The following TBC1D8 variants were observed in gnomAD, a reference collection of about 807,000 sequenced individuals.
The protein encoded by TBC1D8 is TBC1 domain family member 8, also known as BUB2-like protein 1.
Under a neutral mutation model 118.8 loss-of-function variants are expected in TBC1D8, and 65 were observed. The ratio of observed to expected loss-of-function variants is 0.55; its 90% CI spans 0.45 to 0.67. TBC1D8 has a LOEUF of 0.67. Among genes scored for constraint, TBC1D8 ranks in the 30% least tolerant of loss-of-function variants. The pLI is 0.00. For missense variants in TBC1D8, 1,376 were observed against 1,471.2 expected (o/e 0.94, Z 1.06); for synonymous variants, 566 against 595.8 (o/e 0.95, Z 0.73).
intron 1 of TBC1D8, among the ~76,000 whole-genome samples, chr2:101,126,817 G>C (rs1678377336): frequency 6.6e-6 from 1 of 152,196 alleles, no homozygotes; most frequent in Admixed American, 6.5e-5. Flanking sequence ...GTCAATTGTA[G>C]AAAACGGCCA....
chr2:101,021,743 A>G lies in TBC1D8; in HGVS notation c.2765T>C (p.Ile922Thr), dbSNP rs776173001. Reference sequence around the variant, plus strand: ...CTCATTCATTTCTCCATTATACATAATATCTGCAAAAAGTTTAAAAAGAGT... The same window carrying G: ...CTCATTCATTTCTCCATTATACATAGTATCTGCAAAAAGTTTAAAAAGAGT... ...EFKAFVSCLD[I>T]MYNGEMNEKI... Residue 922 changes from isoleucine to threonine, a missense_variant, in exon 17 of 20, where the codon ATT becomes ACT. By Grantham distance (89) the Ile-to-Thr change is moderately conservative. Coordinates refer to ENST00000409318, the MANE Select transcript of TBC1D8 (RefSeq NM_001330348.2). 1.3e-6 allele frequency: 2 copies of G among 1,564,496 alleles called. No homozygotes were observed. Among genetic ancestry groups the G allele is most frequent in the Non-Finnish European group, 1.7e-6 (2 of 1,146,510 alleles).
intron 19 of TBC1D8, among the ~76,000 whole-genome samples, 183 bp from the exon 20 acceptor site, chr2:101,008,456 G>A (rs1043503097): frequency 6.6e-6 from 1 of 152,178 alleles, no homozygotes; most frequent in Non-Finnish European, 1.5e-5. Flanking sequence ...GGGAATTTCA[G>A]CACAGACTTG....
chr2:101,030,846 C>T (rs1680629554), intron 11 of TBC1D8, among the ~76,000 whole-genome samples: 1 of 152,258 alleles, frequency 6.6e-6, no homozygotes, highest in Non-Finnish European at 1.5e-5. Context: ...GTGGCTGCCT[C>T]TTACAGATGC....
intron 2 of TBC1D8, among the ~76,000 whole-genome samples, chr2:101,084,983 G>A (rs993717271): frequency 6.6e-6 from 1 of 151,528 alleles, no homozygotes; most frequent in African/African-American, 2.4e-5. Context: ...TGAGCAGCTG[G>A]GACTACAGGC....
chr2:101,018,740 A>C (rs779653116), intron 17 of TBC1D8, among the ~76,000 whole-genome samples: 6 of 152,160 alleles, frequency 3.9e-5, no homozygotes, highest in Non-Finnish European at 8.8e-5. Flanking sequence ...AAAACCTCCA[A>C]ATTGTCTCAT....
intron 17 of TBC1D8, among the ~76,000 whole-genome samples, chr2:101,019,886 G>A (rs1679918532): frequency 6.6e-6 from 1 of 151,358 alleles, no homozygotes; most frequent in Non-Finnish European, 1.5e-5. Flanking sequence ...GGCTAACACA[G>A]TGAAACCCTA....
intron 1 of TBC1D8, among the ~76,000 whole-genome samples, chr2:101,122,709 A>G (rs994524211): frequency 9.2e-5 from 14 of 152,304 alleles, no homozygotes; most frequent in African/African-American, 2.9e-4. Context: ...TTGAAAACTC[A>G]TAGACTATTT....
At chr2:101,085,940 G>A (rs1313274841) in intron 2 of TBC1D8, among the ~76,000 whole-genome samples, 2 of 152,200 alleles carry the variant, frequency 1.3e-5, no homozygotes, top group African/African-American at 4.8e-5. Context: ...AGGAGATTGA[G>A]ACCATCCTGG....
At chr2:101,046,955 C>T (rs1681744981) in intron 5 of TBC1D8, among the ~76,000 whole-genome samples, 1 of 152,202 alleles carries the variant, frequency 6.6e-6, no homozygotes, top group South Asian at 2.1e-4. Context: ...CATCACTCTC[C>T]AACTACCCTC....
intron 1 of TBC1D8, among the ~76,000 whole-genome samples, chr2:101,110,161 C>G (rs1365505680): frequency 1.3e-5 from 2 of 152,230 alleles, no homozygotes; most frequent in Non-Finnish European, 2.9e-5. Context: ...TGCAGCAATT[C>G]TTTCATTCTG....
chr2:101,029,084 G>A (rs1322259357), intron 12 of TBC1D8, among the ~76,000 whole-genome samples: 1 of 152,192 alleles, frequency 6.6e-6, no homozygotes, highest in African/African-American at 2.4e-5. Context: ...TCAAGAGGCT[G>A]AGACGAACAG....
intron 1 of TBC1D8, among the ~76,000 whole-genome samples, chr2:101,099,380 CCAA>C (rs1676678976): frequency 6.6e-6 from 1 of 152,098 alleles, no homozygotes; most frequent in Admixed American, 6.5e-5. Context: ...AGCCCACCAA[CCAA>C]AAAAAGCCCA....
Position 101,109,322 on chromosome 2 carries a change from GAAGA to G in TBC1D8, c.128-18962_128-18959del, listed in dbSNP as rs578034830. 2.9e-3 allele frequency among the ~76,000 whole-genome samples: 435 copies of G among 152,266 alleles called. 2 individuals are homozygous for G. Among genetic ancestry groups the G allele is most frequent in the African/African-American group, 9.8e-3 (407 of 41,558 alleles). On this transcript the variant is annotated intron_variant, in intron 1 of 19. Coordinates refer to ENST00000409318, the MANE Select transcript of TBC1D8 (RefSeq NM_001330348.2). The stretch of plus-strand genomic sequence containing the variant: ...ATACGGGTGAGAAAAGAAAACTCAG[GAAGA>G]AAGAACTACCCATAAGTTTTTGTTG...
intron 1 of TBC1D8, among the ~76,000 whole-genome samples, chr2:101,135,240 G>C (rs1558727303): frequency 6.6e-6 from 1 of 152,210 alleles, no homozygotes; most frequent in Admixed American, 6.5e-5. Flanking sequence ...TCTTGTCAAA[G>C]AGAACCTTCC....
Position 101,134,162 on chromosome 2 carries a change from T to C in TBC1D8, c.127+16965A>G, listed in dbSNP as rs1375752509. ...AATATTCACACTTTAGCACTCCCTC[T>C]CTTCTCTTTCTCTCTCTCTCTCTCT... On this transcript the variant is annotated intron_variant, in intron 1 of 19. Transcript: ENST00000409318. 2.7e-5 allele frequency among the ~76,000 whole-genome samples: 4 copies of C among 148,740 alleles called. No individual in the cohort carries two copies. The East Asian group carries it at 8.0e-4, about 30-fold the overall frequency.
chr2:101,150,091 C>G (rs182595704), intron 1 of TBC1D8, among the ~76,000 whole-genome samples: 2 of 152,300 alleles, frequency 1.3e-5, no homozygotes, highest in African/African-American at 4.8e-5. Flanking sequence ...AGCTAAAGTC[C>G]AGCAAAATCC....
chr2:101,079,214 T>TA (rs1330238923), intron 2 of TBC1D8, among the ~76,000 whole-genome samples: 2 of 152,176 alleles, frequency 1.3e-5, no homozygotes, highest in African/African-American at 4.8e-5. Context: ...CTTCATCTAC[T>TA]AAAAATGAAA....
At chr2:101,073,262 TTTTTTTA>T (rs1376705098) in intron 2 of TBC1D8, among the ~76,000 whole-genome samples, 1 of 150,818 alleles carries the variant, frequency 6.6e-6, no homozygotes, top group Non-Finnish European at 1.5e-5. Flanking sequence ...ATTGTTTTAT[TTTTTTTA>T]TTTTTTATTT....
intron 1 of TBC1D8, among the ~76,000 whole-genome samples, chr2:101,120,124 G>A (rs1346241352): frequency 1.3e-5 from 2 of 152,098 alleles, no homozygotes; most frequent in South Asian, 2.1e-4. Context: ...CAACAAGGAC[G>A]CTCCATCATC....
Sources: allele counts gnomAD v4.1 joint callset (sites outside exome capture counted in the v4.1 genomes callset), GRCh38; gene constraint gnomAD v4.1.1; transcripts MANE v1.5; gene names NCBI Gene and HGNC (gene_info 2026-07-23, HGNC 2026-07-21).